NAV2: variants seen among roughly 807,000 people sequenced by gnomAD.
NAV2 encodes helicase, APC down-regulated 1.
A neutral mutation model predicts 223.2 loss-of-function variants in NAV2; 54 were observed. That is an observed-to-expected ratio of 0.24 (90% CI 0.19 to 0.30). The LOEUF is 0.30. Ranked by LOEUF, NAV2 falls within the 10% of genes least tolerant of loss-of-function variation. The pLI is 1.00. For synonymous variants in NAV2, 1,279 were observed against 1,239.3 expected, an observed-to-expected ratio of 1.03 and a Z score of -0.67; for missense variants, 2,806 against 3,147.5, an observed-to-expected ratio of 0.89 and a Z score of 2.60.
intron 11 of NAV2, among the ~76,000 whole-genome samples, chr11:19,996,314 C>A (rs1431526401): frequency 6.6e-6 from 1 of 152,180 alleles, no homozygotes; most frequent in East Asian, 1.9e-4. Flanking sequence ...CCCCTAGGGC[C>A]TAGCACCAAC....
chr11:19,503,820 A>G (rs1381793743), intron 1 of NAV2: 1 of 152,240 alleles, frequency 6.6e-6, no homozygotes. Flanking sequence ...CAAGGAATAT[A>G]ATGGCTGGAA....
chr11:20,056,864 T>C (rs2058393329), intron 19 of NAV2, among the ~76,000 whole-genome samples: 1 of 152,222 alleles, frequency 6.6e-6, no homozygotes, highest in Non-Finnish European at 1.5e-5. Context: ...ATTCAGCTCA[T>C]GGAATTATGA....
At chr11:20,036,185 C>A in intron 12 of NAV2, 88 bp downstream of exon 12, 1 of 1,474,050 alleles carries the variant, frequency 6.8e-7, no homozygotes, top group Non-Finnish European at 9.4e-7. Context: ...CCATTTGGGG[C>A]AACCAGAATC....
intron 6 of NAV2, among the ~76,000 whole-genome samples, chr11:19,902,205 A>G (rs1207170368): frequency 5.3e-5 from 8 of 152,196 alleles, no homozygotes; most frequent in Non-Finnish European, 1.2e-4. Flanking sequence ...TCAAACATCA[A>G]GGTGAAAGAA....
intron 1 of NAV2, among the ~76,000 whole-genome samples, chr11:19,559,100 C>A (rs753279794): frequency 5.9e-5 from 9 of 152,200 alleles, no homozygotes; most frequent in Non-Finnish European, 1.2e-4. Flanking sequence ...GAGTGACTTG[C>A]ACATGCAAGA....
chr11:20,076,161 G>A (rs1242323364), intron 22 of NAV2, among the ~76,000 whole-genome samples: 3 of 152,194 alleles, frequency 2.0e-5, no homozygotes, highest in Admixed American at 2.0e-4. Flanking sequence ...ATGAAGCTGA[G>A]GCTGCTAGGA....
chr11:19,864,347 C>G lies in NAV2; in HGVS notation c.439-4578C>G, dbSNP rs765899510. ...TTCATGCGCTTTGCACTCAGCTACA[C>G]TGGTATTCGGAGAAAAATGCTGCCA... On this transcript the variant is annotated intron_variant, in intron 3 of 37. Coordinates refer to ENST00000349880, the MANE Select transcript of NAV2 (RefSeq NM_145117.5). Among the ~76,000 whole-genome samples, 7 of 152,316 alleles carry G rather than the reference C, an allele frequency of 4.6e-5. No homozygotes were observed. The South Asian group carries it at 1.0e-3, about 23-fold the overall frequency.
intron 12 of NAV2, among the ~76,000 whole-genome samples, chr11:20,042,823 T>C (rs921389545): frequency 2.6e-5 from 4 of 152,096 alleles, no homozygotes; most frequent in Admixed American, 2.0e-4. Flanking sequence ...CCTTCCCCAT[T>C]TACCGTGCTG....
chr11:19,797,401 G>A (rs1374564758), intron 1 of NAV2, among the ~76,000 whole-genome samples: 2 of 152,200 alleles, frequency 1.3e-5, no homozygotes, highest in East Asian at 1.9e-4. Flanking sequence ...ATATTGCACA[G>A]TTCAGAAGGC....
chr11:19,441,587 A>G (rs1056883879), intron 1 of NAV2, among the ~76,000 whole-genome samples: 2 of 152,168 alleles, frequency 1.3e-5, no homozygotes, highest in Non-Finnish European at 2.9e-5. Flanking sequence ...ATCTTTTAGA[A>G]ACAACCCACT....
rs750569701 is a variant in NAV2 at position 19,892,489 on chromosome 11, G to A, written c.826G>A (p.Gly276Arg). ...TGCAGGCAGCGAGGCCAAAACACGC[G>A]GAGGGTCAACTACTGCTAACAACCG... ...SAAGSEAKTRGGSTTANNRRS... is the reference protein window; with the variant it reads ...SAAGSEAKTRRGSTTANNRRS... The change falls in exon 6 of 38, where the codon GGA becomes AGA. Residue 276 changes from glycine to arginine, a missense_variant. By Grantham distance (125) the Gly-to-Arg change is moderately radical. Coordinates refer to ENST00000349880, the MANE Select transcript of NAV2 (RefSeq NM_145117.5). The A allele has an allele frequency of 1.1e-5, 18 of 1,614,006 alleles. No individual in the cohort carries two copies. The highest frequency in any genetic ancestry group is 3.3e-4 in the Middle Eastern group (2 of 6,080).
intron 1 of NAV2, among the ~76,000 whole-genome samples, chr11:19,530,077 C>A (rs1388401074): frequency 2.0e-5 from 3 of 152,168 alleles, no homozygotes; most frequent in African/African-American, 4.8e-5. Flanking sequence ...GGTCAGAAGT[C>A]CCCTGAGCAA....
At chr11:19,347,605 A>G (rs1012377646), upstream of NAV2, among the ~76,000 whole-genome samples, 3 of 152,076 alleles carry the variant, frequency 2.0e-5, no homozygotes, top group African/African-American at 7.2e-5. Flanking sequence ...CTTGCCCTCA[A>G]TGCTCCCCAC....
chr11:19,707,022 A>G (rs1038497221), intron 1 of NAV2, among the ~76,000 whole-genome samples: 10 of 152,340 alleles, frequency 6.6e-5, no homozygotes, highest in Non-Finnish European at 1.3e-4. Flanking sequence ...TACAGTAAAA[A>G]TATAGTATAA....
At chr11:19,747,202 G>A (rs1038829029) in intron 1 of NAV2, among the ~76,000 whole-genome samples, 1 of 151,724 alleles carries the variant, frequency 6.6e-6, no homozygotes, top group Non-Finnish European at 1.5e-5. Context: ...TTTCATCCAT[G>A]TCCCTATAAA....
intron 1 of NAV2, among the ~76,000 whole-genome samples, chr11:19,435,178 C>G (rs895678883): frequency 4.6e-5 from 7 of 152,168 alleles, no homozygotes; most frequent in African/African-American, 1.4e-4. Flanking sequence ...CTATGCCTAT[C>G]TAACTGAAAC....
chr11:19,792,466 A>G (rs181608259), intron 1 of NAV2, among the ~76,000 whole-genome samples: 149 of 152,344 alleles, frequency 9.8e-4, no homozygotes, highest in Middle Eastern at 3.4e-3. Context: ...TTCTGAGCCC[A>G]TTGAAGATCC....
At chr11:19,821,112 A>G (rs1395828385) in intron 1 of NAV2, among the ~76,000 whole-genome samples, 1 of 152,070 alleles carries the variant, frequency 6.6e-6, no homozygotes, top group Non-Finnish European at 1.5e-5. Context: ...AATATAAAAA[A>G]TTACCCAGGC....
chr11:20,106,990 C>G (rs974185681), intron 35 of NAV2, among the ~76,000 whole-genome samples: 6 of 144,454 alleles, frequency 4.2e-5, no homozygotes, highest in Admixed American at 7.0e-5. Context: ...ACAAAATGAT[C>G]AAATGTAGAT....
Sources: allele counts gnomAD v4.1 joint callset (sites outside exome capture counted in the v4.1 genomes callset), GRCh38; gene constraint gnomAD v4.1.1; transcripts MANE v1.5; gene names NCBI Gene and HGNC (gene_info 2026-07-23, HGNC 2026-07-21).